The following KIAA0586 variants were observed in gnomAD, a reference collection of about 807,000 sequenced individuals.
The protein encoded by KIAA0586 is protein TALPID3.
Under a neutral mutation model 169.8 loss-of-function variants are expected in KIAA0586, and 144 were observed. That is an observed-to-expected ratio of 0.85 (90% CI 0.74 to 0.97). The LOEUF is 0.97. KIAA0586 is among the 50% of genes least tolerant of loss of function. The pLI is 0.00. For synonymous variants in KIAA0586, 625 were observed against 612.4 expected (o/e 1.02, Z -0.30); for missense variants, 1,854 against 1,823.0 (o/e 1.02, Z -0.31).
Position 58,523,636 on chromosome 14 carries a change from T to C in KIAA0586, c.4429+11009T>C, listed in dbSNP as rs1332905821. 4.6e-5 allele frequency among the ~76,000 whole-genome samples: 7 copies of C among 152,044 alleles called. No individual in the cohort carries two copies. The East Asian group carries it at 9.6e-4, about 21-fold the overall frequency. ...AATTAATGAGGTAAATACTTAAGAC[T>C]TGGGAGCAGAGGAACCGTCTCCAGT... is the stretch of plus-strand genomic sequence containing the variant. On this transcript the variant is annotated intron_variant, in intron 29 of 30. Transcript: ENST00000652326.
chr14:58,482,343 TTGAATC>T (rs1376288146), intron 20 of KIAA0586, among the ~76,000 whole-genome samples, 164 bp from the exon 21 acceptor site: 27 of 152,050 alleles, frequency 1.8e-4, no homozygotes, highest in African/African-American at 6.3e-4. Context: ...GGAGAATCGC[TTGAATC>T]TGGGAGGTGG....
At chr14:58,483,607 C>T (rs1053081262) in intron 21 of KIAA0586, among the ~76,000 whole-genome samples, 1 of 151,940 alleles carries the variant, frequency 6.6e-6, no homozygotes, top group Non-Finnish European at 1.5e-5. Context: ...TCATACATTG[C>T]TTTGCGTTAT....
rs35156824 is a variant in KIAA0586, at chr14:58,539,262, AATAAATGAAGCTTAAGAGATAACTG to A, written c.4430-806_4430-782del. The stretch of plus-strand genomic sequence containing the variant: ...CATGTACTACCTGAAATTTTTGTGA[AATAAATGAAGCTTAAGAGATAACTG>A]ATTTTTATCTTAAAGAAAATTAGAA... On this transcript the variant is annotated intron_variant, in intron 29 of 30. Coordinates refer to ENST00000652326, the MANE Select transcript of KIAA0586 (RefSeq NM_001329943.3). 9.9e-3 allele frequency among the ~76,000 whole-genome samples: 1,502 copies of A among 152,324 alleles called. 31 individuals carry two copies. Among genetic ancestry groups the A allele is most frequent in the African/African-American group, 0.034 (1,400 of 41,552 alleles).
chr14:58,520,484 A>G (rs555755501), intron 29 of KIAA0586, among the ~76,000 whole-genome samples: 1 of 150,862 alleles, frequency 6.6e-6, no homozygotes, highest in Admixed American at 6.6e-5. Context: ...CACTTAACAT[A>G]ATGTTTTCTT....
At chr14:58,459,131 G>C (rs542710676) in intron 12 of KIAA0586, among the ~76,000 whole-genome samples, 1 of 152,128 alleles carries the variant, frequency 6.6e-6, no homozygotes, top group Non-Finnish European at 1.5e-5. Context: ...TTTTGTCCTG[G>C]GGTGCAAGGT....
intron 16 of KIAA0586, 74 bp from the exon 17 acceptor site, chr14:58,470,539 G>A: frequency 2.4e-6 from 2 of 845,452 alleles, no homozygotes; most frequent in Non-Finnish European, 3.9e-6. Flanking sequence ...ACATATACAT[G>A]TATATACACA....
chr14:58,470,648 T>C lies in KIAA0586; in HGVS notation c.2478T>C (p.Asn826=), dbSNP rs1433493010. The C allele has an allele frequency of 1.9e-6, 3 of 1,607,966 alleles. No homozygotes were observed. The highest frequency in any genetic ancestry group is 2.7e-5 in the African/African-American group (2 of 74,558). Residue 826 remains asparagine, a synonymous_variant, in exon 17 of 31, where the codon AAT becomes AAC. Transcript: ENST00000652326. ...LPSVDIDSIS[N]SSADVLSPLS... ...GTGTAGATATTGACAGCATTTCAAA[T>C]AGTAGTGCTGATGTCCTTTCACCTC...
rs763124724 is a variant in KIAA0586, at chr14:58,508,532, T to G, written c.4169-23T>G. ...TAAATTTAACACTTTATTTTAACTT[T>G]TTATTTACATTTTTGATAACAGGTA... On this transcript the variant is annotated intron_variant, in intron 27 of 30. Transcript: ENST00000652326. 9 of 1,516,242 alleles carry G rather than the reference T, an allele frequency of 5.9e-6. No individual in the cohort carries two copies. The African/African-American group carries it at 1.3e-4, about 21-fold the overall frequency. 93.9% of individuals were successfully genotyped at this position (1,516,242 alleles called of 1,614,324 possible).
At chr14:58,446,050 A>C (rs2038871975) in intron 6 of KIAA0586, among the ~76,000 whole-genome samples, 1 of 150,716 alleles carries the variant, frequency 6.6e-6, no homozygotes, top group Non-Finnish European at 1.5e-5. Flanking sequence ...TTATATTTTT[A>C]GTAGAGATGG....
chr14:58,481,252 C>T (rs1470247419), intron 20 of KIAA0586, among the ~76,000 whole-genome samples: 1 of 152,166 alleles, frequency 6.6e-6, no homozygotes, highest in Non-Finnish European at 1.5e-5. Flanking sequence ...GTCACATCTC[C>T]ATCAGGTTGT....
At chr14:58,523,560 CT>C (rs931777966) in intron 29 of KIAA0586, among the ~76,000 whole-genome samples, 2 of 151,782 alleles carry the variant, frequency 1.3e-5, no homozygotes, top group African/African-American at 4.8e-5. Context: ...ATAATTTAAC[CT>C]TATAATCACA....
chr14:58,540,121 A>G lies in KIAA0586; in HGVS notation c.4480A>G (p.Thr1494Ala). The G allele has an allele frequency of 1.3e-6, 2 of 1,553,328 alleles. No homozygotes were observed. Among genetic ancestry groups the G allele is most frequent in the Non-Finnish European group, 1.7e-6 (2 of 1,143,300 alleles). ...RTQIELNPYL[T>A]CVFSGGKAVP... is the part of the protein sequence containing the mutation. ...ACAAATTGAGCTTAATCCGTACCTC[A>G]CATGTGTATTTTCAGGTAAGATTTT... Residue 1494 changes from threonine to alanine, a missense_variant, in exon 30 of 31, where the codon ACA (threonine) becomes GCA (alanine). By Grantham distance (58) the Thr-to-Ala change is moderately conservative. Transcript: ENST00000652326.
intron 29 of KIAA0586, chr14:58,522,035 G>A (rs561598438): frequency 2.1e-5 from 23 of 1,094,442 alleles, no homozygotes; most frequent in African/African-American, 1.5e-4. Context: ...ATTTCTTTAC[G>A]TAGGTGCTTG....
the KIAA0586 span, among the ~76,000 whole-genome samples, chr14:58,559,842 G>C: frequency 5.5e-3 from 837 of 152,246 alleles, 11 homozygotes; most frequent in African/African-American, 0.019. Flanking sequence ...TGGCTGTGGA[G>C]CATTTAAAAA....
intron 20 of KIAA0586, among the ~76,000 whole-genome samples, chr14:58,480,704 A>T (rs1312375567): frequency 2.0e-5 from 3 of 151,732 alleles, no homozygotes; most frequent in African/African-American, 2.4e-5. Context: ...TTCATTCCCC[A>T]CTCAGCCATA....
chr14:58,497,601 G>T (rs537769215), intron 26 of KIAA0586, among the ~76,000 whole-genome samples: 1 of 151,500 alleles, frequency 6.6e-6, no homozygotes, highest in Non-Finnish European at 1.5e-5. Context: ...CTGACCTTGC[G>T]ATCTGCCCGC....
chr14:58,468,069 G>C lies in KIAA0586; in HGVS notation c.2442+147G>C, dbSNP rs1231925431. ...TAAATTTATTTTTATTTTTTAGACA[G>C]AGTTTTGCTCTTGTCGCCCAGTCTG... On this transcript the variant is annotated intron_variant, in intron 16 of 30. Coordinates refer to ENST00000652326, the MANE Select transcript of KIAA0586 (RefSeq NM_001329943.3). 41 of 573,054 alleles carry C rather than the reference G, an allele frequency of 7.2e-5. 1 individual carries two copies. In the East Asian group the frequency reaches 1.3e-3, roughly 18 times the overall value. 35.5% of individuals were successfully genotyped at this position (573,054 alleles called of 1,614,324 possible).
chr14:58,453,353 A>G lies in KIAA0586; in HGVS notation c.1133A>G (p.Asn378Ser), dbSNP rs1450213701. Residue 378 changes from asparagine to serine, a missense_variant, in exon 9 of 31, where the codon AAT becomes AGT. Physicochemically the swap from Asn to Ser is conservative, Grantham distance 46 (BLOSUM62 1). Transcript: ENST00000652326. ...ENMEVSCHRG[N>S]VRLLEQILNN... is the part of the protein sequence containing the mutation. ...TACTATATCTCTTCTATTTCAGGAA[A>G]TGTAAGACTATTGGAACAAATTTTG... 3.1e-6 allele frequency: 4 copies of G among 1,288,020 alleles called. No individual in the cohort carries two copies. Among genetic ancestry groups the G allele is most frequent in the Admixed American group, 2.7e-5 (1 of 37,460 alleles). 79.8% of individuals were successfully genotyped at this position (1,288,020 alleles called of 1,614,324 possible).
intron 8 of KIAA0586, among the ~76,000 whole-genome samples, chr14:58,452,117 G>A (rs1281952201): frequency 6.6e-6 from 1 of 152,154 alleles, no homozygotes; most frequent in African/African-American, 2.4e-5. Flanking sequence ...ATGGACTTTG[G>A]GGACTTGTGG....
Sources: gnomAD v4.1 joint callset for allele counts (sites outside exome capture counted in the v4.1 genomes callset) on GRCh38, gnomAD v4.1.1 for gene constraint, MANE v1.5 for transcripts, NCBI Gene and HGNC (gene_info 2026-07-23, HGNC 2026-07-21) for gene names.